GRIP2: variants seen among roughly 807,000 people sequenced by gnomAD.
The protein encoded by GRIP2 is glutamate receptor-interacting protein 2.
Under a neutral mutation model 108.3 loss-of-function variants are expected in GRIP2, and 58 were observed. The ratio of observed to expected loss-of-function variants is 0.54; its 90% CI spans 0.43 to 0.67. The LOEUF (loss-of-function observed/expected upper bound fraction) is 0.67. GRIP2 is among the 30% of genes least tolerant of loss of function. The pLI is 0.00. For synonymous variants in GRIP2, 586 were observed against 598.2 expected, an observed-to-expected ratio of 0.98 and a Z score of 0.30; for missense variants, 1,278 against 1,430.6, an observed-to-expected ratio of 0.89 and a Z score of 1.72.
the GRIP2 span, among the ~76,000 whole-genome samples, chr3:14,561,812 G>A: frequency 2.6e-5 from 4 of 152,280 alleles, no homozygotes; most frequent in African/African-American, 4.8e-5. Flanking sequence ...GGCTGGCTCT[G>A]TGGGTGGAAG....
In GRIP2 at chr3:14,513,788, C is replaced by A. The variant is rs1379736674; in HGVS notation, c.1516G>T (p.Asp506Tyr). The A allele has an allele frequency of 1.2e-6, 2 of 1,612,758 alleles. No individual in the cohort carries two copies. The highest frequency in any genetic ancestry group is 1.3e-5 in the African/African-American group (1 of 74,930). The change falls in exon 13 of 24, where the codon GAC (aspartate) becomes TAC (tyrosine). Residue 506 changes from aspartate (D) to tyrosine (Y), a missense_variant. Asp to Tyr is a radical substitution (Grantham distance 160). Coordinates refer to ENST00000621039, the MANE Select transcript of GRIP2 (RefSeq NM_001080423.4). The stretch of plus-strand genomic sequence containing the variant: ...ATGCCATTGATGGACAGGACACGGT[C>A]CCCCACCTGCAGCAGCCCACACCTG... ...AERCGLLQVGDRVLSINGIAT... is the reference protein window; with the variant it reads ...AERCGLLQVGYRVLSINGIAT...
At position 14,517,099 on chromosome 3, in the gene GRIP2, C is replaced by T. The variant is rs780468622; in HGVS notation, c.1271G>A (p.Arg424Gln). Residue 424 changes from arginine to glutamine, a missense_variant, in exon 11 of 24, where the codon CGG becomes CAG. Coordinates refer to ENST00000621039, the MANE Select transcript of GRIP2 (RefSeq NM_001080423.4). ...QPMSPRTTMG[R>Q]RRQRRREHKS... ...GTGTTCCCTTCTTCGCTGCCTCCTC[C>T]GCCCCATTGTAGTTCGAGGACTCAT... 123 of 1,605,084 alleles carry T rather than the reference C, an allele frequency of 7.7e-5. 1 individual carries two copies. Among genetic ancestry groups the T allele is most frequent in the Middle Eastern group, 1.7e-4 (1 of 6,054 alleles).
At chr3:14,587,519 G>A in the GRIP2 span, among the ~76,000 whole-genome samples, 6 of 151,902 alleles carry the variant, frequency 3.9e-5, no homozygotes, top group African/African-American at 1.5e-4. Context: ...GGCACCTGTA[G>A]TCCCAGCTAC....
the GRIP2 span, chr3:14,573,371 G>A: frequency 7.5e-7 from 1 of 1,332,812 alleles, no homozygotes. Context: ...GCTTCTCCAG[G>A]TCCCGCGGGA....
At chr3:14,560,940 C>T (rs1695306450), upstream of GRIP2, among the ~76,000 whole-genome samples, 1 of 152,204 alleles carries the variant, frequency 6.6e-6, no homozygotes, top group African/African-American at 2.4e-5. Context: ...ACTCTACCTT[C>T]AGCAGAGGAC....
At chr3:14,568,514 C>T in the GRIP2 span, among the ~76,000 whole-genome samples, 2 of 152,164 alleles carry the variant, frequency 1.3e-5, no homozygotes, top group African/African-American at 4.8e-5. Context: ...AAAACCCAGG[C>T]CATCTGGTTC....
chr3:14,524,638 T>C, intron 3 of GRIP2, 100 bp from the exon 4 acceptor site: 2 of 1,321,354 alleles, frequency 1.5e-6, no homozygotes, highest in Non-Finnish European at 2.1e-6. Flanking sequence ...GATCACTGGA[T>C]CCTCATTTCA....
chr3:14,592,613 C>T, the GRIP2 span, among the ~76,000 whole-genome samples: 1 of 152,182 alleles, frequency 6.6e-6, no homozygotes, highest in Non-Finnish European at 1.5e-5. Context: ...TATTAGGAGA[C>T]CCAATTCCCA....
At chr3:14,562,733 TCCCGAGGCAGACGGTCCTCGGAC>T in the GRIP2 span, among the ~76,000 whole-genome samples, 41 of 32,496 alleles carry the variant, frequency 1.3e-3, no homozygotes, top group African/African-American at 5.6e-3. Context: ...GTCCTCGGAC[TCCCGAGGCAGACGGTCCTCGGAC>T]TCCCGGACAG....
chr3:14,494,875 C>T lies in GRIP2; in HGVS notation c.2938G>A (p.Gly980Arg). 1 of 1,613,830 alleles carries T rather than the reference C, an allele frequency of 6.2e-7. No homozygotes were observed. The highest frequency in any genetic ancestry group is 1.1e-5 in the South Asian group (1 of 91,078). Reference protein sequence around the residue: ...TVRPDGPAHRGGLQPFDRVLQ... With the variant: ...TVRPDGPAHRRGLQPFDRVLQ... ...ACCCTGTCGAAGGGCTGGAGGCCTC[C>T]ACGGTGGGCTGGCCCATCAGGGCGC... Residue 980 changes from glycine (G) to arginine (R), a missense_variant, in exon 23 of 24, where the codon GGA becomes AGA. Transcript: ENST00000621039.
rs576700644 is a variant in GRIP2 at position 14,505,898 on chromosome 3, T to C, written c.2399-109A>G. On this transcript the variant is annotated intron_variant, in intron 19 of 23. Coordinates refer to ENST00000621039, the MANE Select transcript of GRIP2 (RefSeq NM_001080423.4). The surrounding 1 kb of genome is among the most constrained non-coding windows in gnomAD (Gnocchi z 4.2). Reference sequence around the variant, plus strand: ...CCCTGGGGAGGTCGTTGCTCCTCTCTGGGCCTGCATCTACACAGCCCTCTG... The same window carrying C: ...CCCTGGGGAGGTCGTTGCTCCTCTCCGGGCCTGCATCTACACAGCCCTCTG... 528 of 1,002,738 alleles carry C rather than the reference T, an allele frequency of 5.3e-4. 5 individuals carry two copies. In the South Asian group the frequency reaches 9.3e-3, roughly 18 times the overall value. The allele number at this position is 1,002,738 out of a possible 1,614,324, so 62.1% of individuals were successfully genotyped here. A position where few individuals can be genotyped will look rare whatever the true frequency, so the allele number is the denominator to read the frequency against.
chr3:14,540,436 C>A, upstream of GRIP2: 2 of 1,589,434 alleles, frequency 1.3e-6, no homozygotes, highest in Non-Finnish European at 1.7e-6. This position sits in a 1 kb window ranked among gnomAD's most constrained non-coding sequence, Gnocchi z 4.1. Flanking sequence ...GCACCGAGTC[C>A]ACCCACTGCA....
At chr3:14,558,436 C>T (rs148341979), upstream of GRIP2, among the ~76,000 whole-genome samples, 296 of 152,150 alleles carry the variant, frequency 1.9e-3, 2 homozygotes, top group African/African-American at 6.8e-3. Flanking sequence ...TGGATGAGGC[C>T]GCTTCCTAGC....
the GRIP2 span, among the ~76,000 whole-genome samples, chr3:14,601,696 A>G: frequency 1.0e-3 from 157 of 152,164 alleles, no homozygotes; most frequent in African/African-American, 3.6e-3. Context: ...GACAGACCCT[A>G]CTTGGCCCTG....
chr3:14,573,268 C>T, the GRIP2 span: 2 of 1,401,538 alleles, frequency 1.4e-6, no homozygotes, highest in Non-Finnish European at 2.0e-6. Context: ...GCTGGAACCA[C>T]CTCTGCTCGG....
In GRIP2 at chr3:14,512,861, G is replaced by C. The variant is rs572238539; in HGVS notation, c.1640-4C>G. ...CCACTGCTTGGGATGACGGACTCTG[G>C]GGGTAGATGGACATAAACCGACGTG... On this transcript the variant is annotated splice_region_variant and splice_polypyrimidine_tract_variant and intron_variant, in intron 13 of 23. Coordinates refer to ENST00000621039, the MANE Select transcript of GRIP2 (RefSeq NM_001080423.4). This position sits in a 1 kb window ranked among gnomAD's most constrained non-coding sequence, Gnocchi z 5.1. The C allele has an allele frequency of 8.7e-5, 141 of 1,613,630 alleles. 2 individuals are homozygous for C. In the South Asian group the frequency reaches 1.1e-3, roughly 13 times the overall value.
At chr3:14,544,848 A>T (rs1695033940), upstream of GRIP2, among the ~76,000 whole-genome samples, 2 of 152,114 alleles carry the variant, frequency 1.3e-5, no homozygotes, top group Admixed American at 1.3e-4. Flanking sequence ...GCCACAGGGG[A>T]GGGGCACTAG....
chr3:14,542,363 C>G (rs1167136653), upstream of GRIP2, among the ~76,000 whole-genome samples: 2 of 152,116 alleles, frequency 1.3e-5, no homozygotes, highest in Non-Finnish European at 2.9e-5. Flanking sequence ...CCATGTTGCC[C>G]AGGCTGGTCT....
At chr3:14,592,400 G>C in the GRIP2 span, among the ~76,000 whole-genome samples, 5 of 152,206 alleles carry the variant, frequency 3.3e-5, no homozygotes, top group Admixed American at 2.6e-4. Flanking sequence ...GACAGGCTCT[G>C]TGTCTCCAGC....
Sources: gnomAD v4.1 joint callset for allele counts (sites outside exome capture counted in the v4.1 genomes callset) on GRCh38, gnomAD v4.1.1 for gene constraint, Gnocchi (gnomAD v3.1) non-coding constraint, MANE v1.5 for transcripts, NCBI Gene and HGNC (gene_info 2026-07-23, HGNC 2026-07-21) for gene names.